Variants in ADAMTSL1 observed in about 807,000 individuals in gnomAD.
ADAMTSL1 encodes the protein ADAMTS-like protein 1.
Under a neutral mutation model 201.8 loss-of-function variants are expected in ADAMTSL1, and 126 were observed. The ratio of observed to expected loss-of-function variants is 0.62; its 90% confidence interval spans 0.54 to 0.72. The LOEUF (loss-of-function observed/expected upper bound fraction) is 0.72, where lower values mean the gene tolerates loss of function less well. Ranked by LOEUF, ADAMTSL1 falls within the 30% of genes least tolerant of loss-of-function variation. ADAMTSL1 has a pLI of 0.00. For missense variants in ADAMTSL1, 2,679 were observed against 2,277.8 expected (o/e 1.18, Z -3.59); for synonymous variants, 1,121 against 903.4 (o/e 1.24, Z -4.32).
At chr9:18,089,862 G>A (rs571087322) in intron 1 of ADAMTSL1, among the ~76,000 whole-genome samples, 57 of 152,270 alleles carry the variant, frequency 3.7e-4, no homozygotes, top group African/African-American at 1.2e-3. Context: ...TAACGATATT[G>A]AGTGGTGCAC....
At chr9:18,354,315 T>C (rs1476770704) in intron 2 of ADAMTSL1, among the ~76,000 whole-genome samples, 3 of 152,102 alleles carry the variant, frequency 2.0e-5, no homozygotes, top group Middle Eastern at 3.2e-3. Flanking sequence ...TGTACATACA[T>C]CTTTATCTCT....
intron 14 of ADAMTSL1, among the ~76,000 whole-genome samples, chr9:18,711,925 G>C (rs547679611): frequency 2.8e-5 from 4 of 143,986 alleles, no homozygotes; most frequent in Non-Finnish European, 6.3e-5. Flanking sequence ...GCCTCCTCAA[G>C]TGGGTCCCTG....
chr9:18,661,853 A>G (rs2133025332), intron 8 of ADAMTSL1, 82 bp from the exon 9 acceptor site: 1 of 1,408,360 alleles, frequency 7.1e-7, no homozygotes, highest in African/African-American at 1.4e-5. Context: ...ATTTCCATTG[A>G]TGTGAGCTGG....
chr9:18,244,735 T>C (rs1831192806), intron 2 of ADAMTSL1, among the ~76,000 whole-genome samples: 1 of 152,190 alleles, frequency 6.6e-6, no homozygotes, highest in Non-Finnish European at 1.5e-5. Context: ...AATAGGATGC[T>C]GTGCACAAAC....
rs145718382 is a variant in ADAMTSL1, at chr9:18,032,396, G to T, written c.87+125474G>T. ...CTCAGGACTGAGTACTGGCTGTGCTGAGGAGTCCGAACTGCTCTCAGGCTA... is the reference window on the plus strand; with the variant it reads ...CTCAGGACTGAGTACTGGCTGTGCTTAGGAGTCCGAACTGCTCTCAGGCTA... On this transcript the variant is annotated intron_variant, in intron 1 of 29. Coordinates refer to the ADAMTSL1 transcript ENST00000680146. Among the ~76,000 whole-genome samples the T allele has an allele frequency of 2.9e-3, 440 of 152,342 alleles. 3 individuals carry two copies. Among genetic ancestry groups the T allele is most frequent in the African/African-American group, 0.01 (425 of 41,588 alleles).
intron 1 of ADAMTSL1, among the ~76,000 whole-genome samples, chr9:18,099,355 A>ATATATATATATTTTTT (rs1239180390): frequency 4.4e-5 from 2 of 45,562 alleles, no homozygotes; most frequent in African/African-American, 1.6e-4. Context: ...ATATATATAT[A>ATATATATATATTTTTT]TTTTTTTTTT....
At chr9:18,384,253 G>A (rs1048491590) in intron 2 of ADAMTSL1, among the ~76,000 whole-genome samples, 9 of 152,058 alleles carry the variant, frequency 5.9e-5, no homozygotes, top group Non-Finnish European at 1.2e-4. Context: ...GGCAAAACAG[G>A]AGAGACAGCG....
In ADAMTSL1 at chr9:18,659,385, T is replaced by G. The variant is rs564643122; in HGVS notation, c.946+1635T>G. 4.6e-5 allele frequency among the ~76,000 whole-genome samples: 7 copies of G among 152,362 alleles called. No homozygotes were observed. The East Asian group carries it at 1.2e-3, about 25-fold the overall frequency. ...TAGAAGTGCCATGAAGTACTTTTAC[T>G]CAGTTGATAAAAAACTATCAATTCA... On this transcript the variant is annotated intron_variant, in intron 8 of 28. Coordinates refer to ENST00000380548, the MANE Select transcript of ADAMTSL1 (RefSeq NM_001040272.6).
At chr9:18,653,732 G>C (rs1828443503) in intron 7 of ADAMTSL1, among the ~76,000 whole-genome samples, 1 of 152,084 alleles carries the variant, frequency 6.6e-6, no homozygotes, top group Non-Finnish European at 1.5e-5. Context: ...GAAGTATAGA[G>C]GTAAAGTTGG....
chr9:17,956,783 G>A (rs1827948980), intron 1 of ADAMTSL1, among the ~76,000 whole-genome samples: 3 of 152,202 alleles, frequency 2.0e-5, no homozygotes, highest in Non-Finnish European at 4.4e-5. Flanking sequence ...TGACTCAGAT[G>A]TATAAGAAGT....
chr9:18,491,749 T>G (rs766938905), intron 1 of ADAMTSL1, among the ~76,000 whole-genome samples: 18 of 152,168 alleles, frequency 1.2e-4, no homozygotes, highest in Non-Finnish European at 2.2e-4. Context: ...AACGTAAATA[T>G]TTCTGTTGAC....
At chr9:18,645,594 G>A (rs1827755585) in intron 7 of ADAMTSL1, among the ~76,000 whole-genome samples, 1 of 151,870 alleles carries the variant, frequency 6.6e-6, no homozygotes, top group Admixed American at 6.6e-5. Context: ...TCCAGTTTCA[G>A]CTTTCTACGT....
chr9:18,503,431 A>G (rs1391374018), intron 1 of ADAMTSL1, among the ~76,000 whole-genome samples: 1 of 147,488 alleles, frequency 6.8e-6, no homozygotes, highest in Non-Finnish European at 1.5e-5. Flanking sequence ...GTATATATAT[A>G]TATATATATA....
At chr9:18,667,214 C>A (rs1052137278) in intron 9 of ADAMTSL1, among the ~76,000 whole-genome samples, 16 of 139,630 alleles carry the variant, frequency 1.1e-4, no homozygotes, top group Non-Finnish European at 1.9e-4. Context: ...TTTAAGTGAA[C>A]TTTTTTTTTT....
intron 5 of ADAMTSL1, among the ~76,000 whole-genome samples, chr9:18,622,967 C>T (rs1718857433): frequency 6.6e-6 from 1 of 152,214 alleles, no homozygotes; most frequent in Admixed American, 6.5e-5. Flanking sequence ...GCAATCTCAG[C>T]TCACTGCAAC....
chr9:18,301,252 T>G (rs1400239111), intron 2 of ADAMTSL1, among the ~76,000 whole-genome samples: 3 of 152,170 alleles, frequency 2.0e-5, no homozygotes, highest in Admixed American at 6.5e-5. Flanking sequence ...ACAATGCGTC[T>G]TGGAATCAAT....
intron 7 of ADAMTSL1, among the ~76,000 whole-genome samples, chr9:18,655,695 C>T (rs1828595386): frequency 6.7e-6 from 1 of 150,152 alleles, no homozygotes; most frequent in Non-Finnish European, 1.5e-5. Context: ...TAAACAAATG[C>T]TCTGGTCTTT....
At chr9:18,028,245 T>C (rs1820784676) in intron 1 of ADAMTSL1, among the ~76,000 whole-genome samples, 1 of 152,032 alleles carries the variant, frequency 6.6e-6, no homozygotes, top group Admixed American at 6.6e-5. Flanking sequence ...GCTTTAGGAG[T>C]CTGTGCAATG....
In ADAMTSL1 at chr9:17,945,234, A is replaced by G. The variant is rs1473460105; in HGVS notation, c.87+38312A>G. On this transcript the variant is annotated intron_variant, in intron 1 of 29. Transcript: ENST00000680146. ...GAAAAAATGCTCACCATCACTGACCATCAGAGAAATGCAAATCAAAACCAC... is the reference window on the plus strand; with the variant it reads ...GAAAAAATGCTCACCATCACTGACCGTCAGAGAAATGCAAATCAAAACCAC... Among the ~76,000 whole-genome samples the G allele has an allele frequency of 2.8e-5, 4 of 142,352 alleles. No homozygotes were observed. In the East Asian group the frequency reaches 8.1e-4, roughly 29 times the overall value. The allele number at this position is 142,352 out of a possible 152,430, so 93.4% of individuals were successfully genotyped here.
Sources: gnomAD v4.1 joint callset for allele counts (sites outside exome capture counted in the v4.1 genomes callset) on GRCh38, gnomAD v4.1.1 for gene constraint, MANE v1.5 for transcripts, NCBI Gene and HGNC (gene_info 2026-07-23, HGNC 2026-07-21) for gene names.